The following AGMO variants were observed in gnomAD, a reference collection of about 807,000 sequenced individuals.
AGMO encodes the protein alkylglycerol monooxygenase.
Under a neutral mutation model 60.2 loss-of-function variants are expected in AGMO, and 75 were observed. The observed-to-expected ratio is 1.25, with a 90% confidence interval of 1.03 to 1.51. The LOEUF (loss-of-function observed/expected upper bound fraction) is 1.51. Ranked by LOEUF, AGMO falls within the 40% of genes most tolerant of loss-of-function variation. The pLI is 0.00. For missense variants in AGMO, 763 were observed against 525.5 expected, an observed-to-expected ratio of 1.45 and a Z score of -4.42; for synonymous variants, 261 against 177.1, an observed-to-expected ratio of 1.47 and a Z score of -3.76.
intron 3 of AGMO, among the ~76,000 whole-genome samples, chr7:15,535,486 C>A (rs1784464326): frequency 6.6e-6 from 1 of 151,816 alleles, no homozygotes; most frequent in African/African-American, 2.4e-5. Context: ...GCATCTCAAA[C>A]TAATTACTTT....
chr7:15,152,716 TACA>T, the AGMO span, among the ~76,000 whole-genome samples: 2 of 152,308 alleles, frequency 1.3e-5, no homozygotes, highest in Admixed American at 1.3e-4. Context: ...GATATAAATA[TACA>T]ACATTTTCTT....
intron 12 of AGMO, among the ~76,000 whole-genome samples, chr7:15,362,834 A>G (rs2128560009): frequency 6.6e-6 from 1 of 152,332 alleles, no homozygotes; most frequent in East Asian, 1.9e-4. Context: ...TTTCCAAGCT[A>G]CTTTTGCTAT....
chr7:15,321,656 G>A (rs1192176334), intron 12 of AGMO, among the ~76,000 whole-genome samples: 3 of 151,968 alleles, frequency 2.0e-5, no homozygotes, highest in Non-Finnish European at 4.4e-5. Flanking sequence ...AGACATATAT[G>A]ATGTCTACAT....
chr7:15,146,450 C>T, the AGMO span, among the ~76,000 whole-genome samples: 1 of 151,168 alleles, frequency 6.6e-6, no homozygotes, highest in East Asian at 1.9e-4. Context: ...GTAACTTAAT[C>T]ATTTCCTAGG....
chr7:15,120,431 G>A, the AGMO span, among the ~76,000 whole-genome samples: 3 of 152,042 alleles, frequency 2.0e-5, no homozygotes, highest in African/African-American at 7.2e-5. Context: ...ATGTTAAATC[G>A]CTAACCCCAA....
chr7:15,385,198 T>C (rs1317754049), intron 10 of AGMO, among the ~76,000 whole-genome samples: 3 of 152,212 alleles, frequency 2.0e-5, no homozygotes, highest in Non-Finnish European at 4.4e-5. Context: ...TAATTTCTTA[T>C]TTATCACACA....
chr7:15,315,508 T>C (rs1302481927), intron 12 of AGMO, among the ~76,000 whole-genome samples: 2 of 151,910 alleles, frequency 1.3e-5, no homozygotes, highest in African/African-American at 4.8e-5. Context: ...CAGCTAACTT[T>C]TGTATTTTTA....
chr7:15,290,057 G>C (rs1289081969), intron 12 of AGMO, among the ~76,000 whole-genome samples: 3 of 127,178 alleles, frequency 2.4e-5, no homozygotes, highest in African/African-American at 8.9e-5. Context: ...TTGAGACAGA[G>C]TTTCACCCCG....
intron 12 of AGMO, among the ~76,000 whole-genome samples, chr7:15,339,559 G>T (rs924973469): frequency 6.6e-6 from 1 of 152,146 alleles, no homozygotes; most frequent in Admixed American, 6.5e-5. Flanking sequence ...TGTCAGAAAT[G>T]AGTTTCCATT....
intron 3 of AGMO, among the ~76,000 whole-genome samples, chr7:15,529,148 T>C (rs1784209005): frequency 6.6e-6 from 1 of 152,086 alleles, no homozygotes; most frequent in Admixed American, 6.6e-5. Flanking sequence ...CATTAGATAA[T>C]ATAATCGATT....
the AGMO span, among the ~76,000 whole-genome samples, chr7:15,182,385 T>C: frequency 6.6e-6 from 1 of 152,090 alleles, no homozygotes; most frequent in Non-Finnish European, 1.5e-5. Context: ...GATAAAAAAT[T>C]AGGAAAAAAA....
intron 5 of AGMO, among the ~76,000 whole-genome samples, chr7:15,402,803 T>A (rs1295527470): frequency 2.0e-5 from 3 of 151,430 alleles, no homozygotes; most frequent in Non-Finnish European, 3.0e-5. Flanking sequence ...TATAAATTCT[T>A]ATCAAAATCT....
At chr7:15,273,492 G>A (rs1168930291) in intron 12 of AGMO, among the ~76,000 whole-genome samples, 2 of 152,006 alleles carry the variant, frequency 1.3e-5, no homozygotes, top group Non-Finnish European at 2.9e-5. Flanking sequence ...TCTCTGTTTT[G>A]GTACCAGTAC....
rs1563105874 is a variant in AGMO at position 15,354,482 on chromosome 7, GTATATACACACGTGTATATATATA to G, written c.1263+11008_1263+11031del. On this transcript the variant is annotated intron_variant, in intron 12 of 12. Transcript: ENST00000342526. ...CACACGTGTGTGTATACACACGTGT[GTATATACACACGTGTATATATATA>G]TATATATATATATATATATATATAT... Among the ~76,000 whole-genome samples the G allele has an allele frequency of 2.9e-3, 41 of 14,122 alleles. 3 individuals carry two copies. Among genetic ancestry groups the G allele is most frequent in the African/African-American group, 8.7e-3 (34 of 3,892 alleles). 9.3% of individuals were successfully genotyped at this position (14,122 alleles called of 152,430 possible). A position where few individuals can be genotyped will look rare whatever the true frequency, so the allele number is the denominator to read the frequency against.
At chr7:15,407,754 AAC>A (rs1324513015) in intron 5 of AGMO, among the ~76,000 whole-genome samples, 1 of 151,776 alleles carries the variant, frequency 6.6e-6, no homozygotes, top group Non-Finnish European at 1.5e-5. Context: ...TATACACACA[AAC>A]ACATAATAAA....
the AGMO span, among the ~76,000 whole-genome samples, chr7:15,178,997 TGGCATTAATTTATTCATAAG>T: frequency 2.0e-5 from 3 of 152,116 alleles, no homozygotes; most frequent in Non-Finnish European, 4.4e-5. Context: ...CCTGTAATAA[TGGCATTAATTTATTCATAAG>T]GGCAGAGCCC....
chr7:15,185,070 T>C, the AGMO span, among the ~76,000 whole-genome samples: 1 of 152,020 alleles, frequency 6.6e-6, no homozygotes, highest in African/African-American at 2.4e-5. Context: ...ATTCTTTCAA[T>C]GTTTTTCAGA....
At chr7:15,314,174 G>A (rs1780847290) in intron 12 of AGMO, among the ~76,000 whole-genome samples, 1 of 151,942 alleles carries the variant, frequency 6.6e-6, no homozygotes. Flanking sequence ...TTACATCCGG[G>A]GTGAGACTGA....
intron 3 of AGMO, among the ~76,000 whole-genome samples, chr7:15,435,188 T>C (rs1236427985): frequency 6.6e-6 from 1 of 152,122 alleles, no homozygotes; most frequent in East Asian, 1.9e-4. Context: ...ATCATAGAGG[T>C]TTTCTGTGGA....
Sources: gnomAD v4.1 joint callset for allele counts (sites outside exome capture counted in the v4.1 genomes callset) on GRCh38, gnomAD v4.1.1 for gene constraint, MANE v1.5 for transcripts, NCBI Gene and HGNC (gene_info 2026-07-23, HGNC 2026-07-21) for gene names.